The following CDC45 variants were observed in gnomAD, a reference collection of about 807,000 sequenced individuals.
CDC45 encodes cell division control protein 45 homolog.
A neutral mutation model predicts 77.8 loss-of-function variants in CDC45; 54 were observed. That is an observed-to-expected ratio of 0.69 (90% confidence interval 0.56 to 0.87). The LOEUF (loss-of-function observed/expected upper bound fraction) is 0.87, where lower values mean the gene tolerates loss of function less well. Ranked by LOEUF, CDC45 falls within the 40% of genes least tolerant of loss-of-function variation. The pLI is 0.00. For missense variants in CDC45, 649 were observed against 721.6 expected (o/e 0.90, Z 1.15); for synonymous variants, 260 against 272.1 (o/e 0.96, Z 0.44).
chr22:19,504,922 G>C (rs1171784239), intron 9 of CDC45: 1 of 182,528 alleles, frequency 5.5e-6, no homozygotes, highest in African/African-American at 2.4e-5. Flanking sequence ...CAGTCAGAGA[G>C]CACGCCGACC....
chr22:19,510,592 G>A (rs1006942936), intron 13 of CDC45, among the ~76,000 whole-genome samples: 21 of 152,104 alleles, frequency 1.4e-4, no homozygotes, highest in East Asian at 1.4e-3. Context: ...CCAGTGGCAC[G>A]CTCTCGGCTC....
chr22:19,518,524 C>T (rs1018929851), intron 17 of CDC45, among the ~76,000 whole-genome samples: 5 of 152,152 alleles, frequency 3.3e-5, no homozygotes, highest in African/African-American at 9.7e-5. Flanking sequence ...ACTCTGGGGA[C>T]GGGGGTTCAT....
chr22:19,486,360 C>T (rs5746750), intron 5 of CDC45, among the ~76,000 whole-genome samples: 6,039 of 152,290 alleles, frequency 0.04, 215 homozygotes, highest in South Asian at 0.13. Flanking sequence ...TATTTTGCAG[C>T]TATTTTTATT....
intron 6 of CDC45, 180 bp downstream of exon 6, chr22:19,494,562 G>A (rs984220089): frequency 7.1e-6 from 11 of 1,549,370 alleles, no homozygotes; most frequent in Admixed American, 2.0e-5. Context: ...CAGGTTGTTC[G>A]CCGGTCCCAT....
Position 19,482,906 on chromosome 22 carries a change from G to A in CDC45, c.342+79G>A, listed in dbSNP as rs1001086150. ...TGTCTCACCTGGTGTTCTTGGTAAG[G>A]TGTGTGTCTGACTACCCTGTGGGAC... On this transcript the variant is annotated intron_variant, in intron 4 of 18. Coordinates refer to ENST00000263201, the MANE Select transcript of CDC45 (RefSeq NM_003504.5). 8 of 1,338,174 alleles carry A rather than the reference G, an allele frequency of 6.0e-6. No homozygotes were observed. In the African/African-American group the frequency reaches 8.7e-5, roughly 15 times the overall value. 82.9% of individuals were successfully genotyped at this position (1,338,174 alleles called of 1,614,324 possible). A position where few individuals can be genotyped will look rare whatever the true frequency, so the allele number is the denominator to read the frequency against.
intron 7 of CDC45, 40 bp from the exon 8 acceptor site, chr22:19,497,346 G>C (rs765551030): frequency 1.3e-6 from 2 of 1,596,444 alleles, no homozygotes; most frequent in Admixed American, 3.3e-5. Flanking sequence ...CCCAGCACAT[G>C]CCCCTCCCAT....
intron 10 of CDC45, among the ~76,000 whole-genome samples, chr22:19,506,525 G>A (rs1042254776): frequency 4.6e-5 from 7 of 152,168 alleles, no homozygotes; most frequent in African/African-American, 7.2e-5. Flanking sequence ...TGAGCATGCC[G>A]AGGAAGCAGG....
At chr22:19,512,616 C>G (rs1477120859) in intron 13 of CDC45, among the ~76,000 whole-genome samples, 3 of 152,176 alleles carry the variant, frequency 2.0e-5, no homozygotes, top group Non-Finnish European at 4.4e-5. Context: ...CTACCAACTT[C>G]CTGCTATGAC....
At chr22:19,482,116 G>A (rs979884461) in intron 3 of CDC45, among the ~76,000 whole-genome samples, 2 of 152,144 alleles carry the variant, frequency 1.3e-5, no homozygotes, top group African/African-American at 2.4e-5. Context: ...CCACAGAGAG[G>A]GGATGGGACA....
chr22:19,493,372 T>A (rs1601941414), intron 5 of CDC45, among the ~76,000 whole-genome samples: 1 of 152,224 alleles, frequency 6.6e-6, no homozygotes, highest in South Asian at 2.1e-4. Flanking sequence ...GTTCCTCATG[T>A]CCCAGAGTCC....
chr22:19,497,376 T>A lies in CDC45; in HGVS notation c.592-10T>A. ...TCCCATGAGCCTTAGACTTCTCTGC[T>A]TCCTTACAGTCAGCCATGGTGATGT... On this transcript the variant is annotated splice_polypyrimidine_tract_variant and intron_variant, in intron 7 of 18. Coordinates refer to ENST00000263201, the MANE Select transcript of CDC45 (RefSeq NM_003504.5). 6.2e-7 allele frequency: 1 copy of A among 1,613,934 alleles called. No homozygotes were observed. The highest frequency in any genetic ancestry group is 8.5e-7 in the Non-Finnish European group (1 of 1,179,844).
intron 7 of CDC45, 31 bp from the exon 8 acceptor site, chr22:19,497,355 A>G (rs1275346274): frequency 1.9e-6 from 3 of 1,610,530 alleles, no homozygotes; most frequent in South Asian, 1.1e-5. Context: ...TGCCCCTCCC[A>G]TGAGCCTTAG....
upstream of CDC45, chr22:19,479,866 G>A: frequency 8.5e-7 from 1 of 1,170,198 alleles, no homozygotes; most frequent in Admixed American, 1.7e-5. Flanking sequence ...ATTGGTTGGT[G>A]ATCCCTGGAC....
intron 13 of CDC45, among the ~76,000 whole-genome samples, chr22:19,514,051 C>T (rs1933652037): frequency 6.6e-6 from 1 of 152,230 alleles, no homozygotes; most frequent in Non-Finnish European, 1.5e-5. Flanking sequence ...GTAAGAGTTG[C>T]ACACATCTCT....
At chr22:19,491,776 G>C (rs1352528605) in intron 5 of CDC45, among the ~76,000 whole-genome samples, 2 of 151,718 alleles carry the variant, frequency 1.3e-5, no homozygotes, top group Non-Finnish European at 2.9e-5. Context: ...CACGATCTCA[G>C]CTCACTGTAA....
intron 13 of CDC45, 109 bp from the exon 14 acceptor site, chr22:19,514,640 C>A: frequency 1.1e-6 from 1 of 872,074 alleles, no homozygotes; most frequent in Non-Finnish European, 1.8e-6. Context: ...AAATTCTTAC[C>A]CCCAAACCTC....
intron 5 of CDC45, among the ~76,000 whole-genome samples, chr22:19,493,807 T>C (rs755360904): frequency 2.6e-5 from 4 of 152,218 alleles, no homozygotes; most frequent in Non-Finnish European, 4.4e-5. Flanking sequence ...GGGAAAAACA[T>C]ATCTACTCCA....
intron 7 of CDC45, among the ~76,000 whole-genome samples, chr22:19,496,275 G>T (rs1470152135): frequency 6.6e-6 from 1 of 152,176 alleles, no homozygotes; most frequent in Non-Finnish European, 1.5e-5. Flanking sequence ...GCACCCAATA[G>T]GTGATCAAAG....
chr22:19,502,770 T>A (rs1344362932), intron 9 of CDC45, among the ~76,000 whole-genome samples: 1 of 152,236 alleles, frequency 6.6e-6, no homozygotes, highest in Non-Finnish European at 1.5e-5. Flanking sequence ...TTTCAATGAT[T>A]ACATTTTAGC....
Sources: gnomAD v4.1 joint callset for allele counts (sites outside exome capture counted in the v4.1 genomes callset) on GRCh38, gnomAD v4.1.1 for gene constraint, MANE v1.5 for transcripts, NCBI Gene and HGNC (gene_info 2026-07-23, HGNC 2026-07-21) for gene names.